The following FAM13A variants were observed in gnomAD, a reference collection of about 807,000 sequenced individuals.
FAM13A encodes the protein family with sequence similarity 13 member A, also known as protein FAM13A.
FAM13A carries 76 observed loss-of-function variants against 129.6 expected under a neutral mutation model. The observed-to-expected ratio is 0.59, with a 90% CI of 0.49 to 0.71. FAM13A has a LOEUF of 0.71. Among genes scored for constraint, FAM13A ranks in the 30% least tolerant of loss-of-function variants. The pLI is 0.00. For synonymous variants in FAM13A, 443 were observed against 449.9 expected (o/e 0.98, Z 0.20); for missense variants, 1,108 against 1,249.3 (o/e 0.89, Z 1.70).
chr4:88,936,782 T>C (rs1255662865), intron 5 of FAM13A: 1 of 152,228 alleles, frequency 6.6e-6, no homozygotes, highest in Non-Finnish European at 1.5e-5. Flanking sequence ...AAAAATTGTT[T>C]ATAAAAGATT....
At chr4:88,877,416 G>A (rs1742722711) in intron 6 of FAM13A, among the ~76,000 whole-genome samples, 1 of 152,138 alleles carries the variant, frequency 6.6e-6, no homozygotes, top group African/African-American at 2.4e-5. Flanking sequence ...CTGAAATACA[G>A]CAGTCTGGGA....
chr4:88,907,574 G>T (rs1748371597), intron 5 of FAM13A, among the ~76,000 whole-genome samples: 1 of 152,150 alleles, frequency 6.6e-6, no homozygotes, highest in Admixed American at 6.6e-5. Flanking sequence ...ATTGGGCGTT[G>T]CTAAAGACTG....
intron 1 of FAM13A, among the ~76,000 whole-genome samples, chr4:89,048,753 A>G (rs180785715): frequency 1.8e-4 from 28 of 152,322 alleles, no homozygotes; most frequent in Non-Finnish European, 4.0e-4. Context: ...CAATAATTCT[A>G]GATGAAATAG....
chr4:88,914,012 A>C (rs1200254580), intron 5 of FAM13A, among the ~76,000 whole-genome samples: 2 of 137,128 alleles, frequency 1.5e-5, no homozygotes, highest in Non-Finnish European at 3.1e-5. Flanking sequence ...CAAAAAAAAA[A>C]GAAAAAAAAA....
chr4:88,737,239 A>G (rs1487890640), intron 21 of FAM13A, among the ~76,000 whole-genome samples: 1 of 152,164 alleles, frequency 6.6e-6, no homozygotes, highest in African/African-American at 2.4e-5. Flanking sequence ...TACAAAAAAG[A>G]GGGGGGGAAT....
intron 11 of FAM13A, among the ~76,000 whole-genome samples, chr4:88,772,800 T>C (rs745415913): frequency 1.6e-4 from 25 of 152,222 alleles, no homozygotes; most frequent in Non-Finnish European, 3.2e-4. Flanking sequence ...TACTGAATAC[T>C]ATACTTACTG....
intron 4 of FAM13A, among the ~76,000 whole-genome samples, chr4:88,972,971 A>T (rs1389820727): frequency 6.6e-6 from 1 of 152,120 alleles, no homozygotes; most frequent in South Asian, 2.1e-4. Context: ...GTCTCTCAAC[A>T]CTTTAAATAT....
At chr4:88,912,953 C>G (rs963793167) in intron 5 of FAM13A, among the ~76,000 whole-genome samples, 2 of 151,554 alleles carry the variant, frequency 1.3e-5, no homozygotes, top group African/African-American at 2.4e-5. Flanking sequence ...TGCACTCCAG[C>G]CAGGGTGACA....
chr4:88,893,406 C>G (rs531232511), intron 6 of FAM13A, among the ~76,000 whole-genome samples: 6 of 152,266 alleles, frequency 3.9e-5, no homozygotes, highest in Admixed American at 3.9e-4. Context: ...GGGCGGATCA[C>G]GAGGTCATGA....
intron 3 of FAM13A, among the ~76,000 whole-genome samples, chr4:88,998,438 ATTG>A (rs1250691637): frequency 6.6e-6 from 1 of 152,198 alleles, no homozygotes; most frequent in African/African-American, 2.4e-5. Flanking sequence ...GTTAGCTATT[ATTG>A]TTATCATTAT....
At chr4:88,763,854 T>A (rs1175458904) in intron 13 of FAM13A, among the ~76,000 whole-genome samples, 1 of 152,174 alleles carries the variant, frequency 6.6e-6, no homozygotes, top group Non-Finnish European at 1.5e-5. Context: ...TGGAAATAAA[T>A]TTTCAAAATC....
intron 1 of FAM13A, among the ~76,000 whole-genome samples, chr4:89,032,889 A>G (rs1187839050): frequency 1.3e-5 from 2 of 152,182 alleles, no homozygotes; most frequent in Admixed American, 1.3e-4. Flanking sequence ...GAAACCACTG[A>G]AGCTTGAGTG....
intron 5 of FAM13A, among the ~76,000 whole-genome samples, chr4:88,923,794 C>G (rs934347484): frequency 1.3e-5 from 2 of 152,068 alleles, no homozygotes; most frequent in Non-Finnish European, 2.9e-5. Context: ...GATTGTATAT[C>G]TAGAAAACCC....
intron 6 of FAM13A, among the ~76,000 whole-genome samples, chr4:88,886,817 G>C (rs1215295412): frequency 2.6e-5 from 4 of 151,572 alleles, no homozygotes; most frequent in South Asian, 4.2e-4. Context: ...TGAAGCACGA[G>C]AATCACTTGA....
chr4:88,959,991 G>A lies in FAM13A; in HGVS notation c.606-21750C>T, dbSNP rs185833808. On this transcript the variant is annotated intron_variant, in intron 4 of 23. Transcript: ENST00000264344. The stretch of plus-strand genomic sequence containing the variant: ...ACACAGTAGAAGTTGCCTGGTTCTC[G>A]GCAAGAAGGCACTTAAATCGCTTTG... 6.6e-5 allele frequency among the ~76,000 whole-genome samples: 10 copies of A among 152,186 alleles called. No individual in the cohort carries two copies. The East Asian group carries it at 1.4e-3, about 21-fold the overall frequency.
chr4:88,792,429 TACA>T (rs1347283161), intron 8 of FAM13A, among the ~76,000 whole-genome samples: 1 of 152,092 alleles, frequency 6.6e-6, no homozygotes, highest in Admixed American at 6.6e-5. Context: ...TGCTTTTAAT[TACA>T]ACAATTTCTC....
intron 4 of FAM13A, among the ~76,000 whole-genome samples, chr4:88,951,838 T>C (rs1757000539): frequency 6.7e-6 from 1 of 148,372 alleles, no homozygotes; most frequent in Admixed American, 6.7e-5. Context: ...GGTATTTATC[T>C]CCATTGCCTT....
intron 11 of FAM13A, among the ~76,000 whole-genome samples, chr4:88,771,058 T>C (rs1720575561): frequency 2.0e-5 from 3 of 152,116 alleles, no homozygotes; most frequent in Non-Finnish European, 4.4e-5. Context: ...TAAAACAGCA[T>C]GCAGGTACAC....
At chr4:88,916,791 T>C (rs1483888963) in intron 5 of FAM13A, among the ~76,000 whole-genome samples, 1 of 152,230 alleles carries the variant, frequency 6.6e-6, no homozygotes, top group Non-Finnish European at 1.5e-5. Flanking sequence ...CCCCAGCTCA[T>C]ACACAGTACC....
Sources: allele counts gnomAD v4.1 joint callset (sites outside exome capture counted in the v4.1 genomes callset), GRCh38; gene constraint gnomAD v4.1.1; transcripts MANE v1.5; gene names NCBI Gene and HGNC (gene_info 2026-07-23, HGNC 2026-07-21).